SLC23A1: variants seen among roughly 807,000 people sequenced by gnomAD.
SLC23A1 encodes the protein Na(+)/L-ascorbic acid transporter 1.
A neutral mutation model predicts 62.5 loss-of-function variants in SLC23A1; 31 were observed. That is an observed-to-expected ratio of 0.50 (90% confidence interval 0.37 to 0.67). SLC23A1 has a LOEUF of 0.67. Ranked by LOEUF, SLC23A1 falls within the 30% of genes least tolerant of loss-of-function variation. The pLI, the probability that SLC23A1 is intolerant of heterozygous loss-of-function variation, is 0.00. For missense variants in SLC23A1, 640 were observed against 782.7 expected, an observed-to-expected ratio of 0.82 and a Z score of 2.18; for synonymous variants, 271 against 313.2, an observed-to-expected ratio of 0.87 and a Z score of 1.42.
chr5:139,372,089 A>G lies in SLC23A1; in HGVS notation c.1714T>C (p.Ser572Pro), dbSNP rs1396435729. Residue 572 changes from serine (S) to proline (P), a missense_variant, in exon 14 of 15, where the codon TCT (serine) becomes CCT (proline). Ser to Pro is a moderately conservative substitution (Grantham distance 74, BLOSUM62 -1). Coordinates refer to ENST00000348729, the MANE Select transcript of SLC23A1 (RefSeq NM_005847.5). The part of the protein sequence containing the change: ...IPICPVFKGF[S>P]SSSKDQIAIP... ...GCAATCTGATCTTTTGAACTTGAAG[A>G]AAATCCTTTGAAGACTGGGCAGATA... The G allele has an allele frequency of 1.2e-6, 2 of 1,613,334 alleles. No homozygotes were observed. The highest frequency in any genetic ancestry group is 1.7e-6 in the Non-Finnish European group (2 of 1,179,188).
At chr5:139,383,470 T>A (rs1381986021), upstream of SLC23A1, 2 of 759,646 alleles carry the variant, frequency 2.6e-6, no homozygotes, top group African/African-American at 3.8e-5. Flanking sequence ...ACATGTGCCC[T>A]TCCCTGCCCA....
chr5:139,368,816 T>C, intron 14 of SLC23A1: 1 of 1,569,960 alleles, frequency 6.4e-7, no homozygotes, highest in Non-Finnish European at 8.8e-7. Flanking sequence ...GGGCCCTCTT[T>C]TGGTGGATGT....
chr5:139,376,983 G>A (rs888672040), intron 13 of SLC23A1, among the ~76,000 whole-genome samples: 11 of 152,124 alleles, frequency 7.2e-5, no homozygotes, highest in Non-Finnish European at 1.2e-4. Context: ...TTAGCTGGGC[G>A]TGGTGGCAGC....
intron 13 of SLC23A1, among the ~76,000 whole-genome samples, chr5:139,373,003 TG>T (rs934147769): frequency 6.6e-6 from 1 of 152,170 alleles, no homozygotes; most frequent in African/African-American, 2.4e-5. Flanking sequence ...GATTGCGTTC[TG>T]GGGGTAAGGG....
Position 139,379,686 on chromosome 5 carries a change from G to A in SLC23A1, c.917C>T (p.Pro306Leu), listed in dbSNP as rs1229903882. The A allele has an allele frequency of 6.2e-7, 1 of 1,612,622 alleles. No individual in the cohort carries two copies. The highest frequency in any genetic ancestry group is 1.1e-5 in the South Asian group (1 of 90,750). The change falls in exon 8 of 15, where the codon CCC (proline) becomes CTC (leucine). Residue 306 changes from proline to leucine, a missense_variant. Pro to Leu is a moderately conservative substitution (Grantham distance 98, BLOSUM62 -3). Transcript: ENST00000348729. This position sits in a 1 kb window ranked among gnomAD's most constrained non-coding sequence, Gnocchi z 4.7. ...CAAGGGGTGTTGCTCACAGGGGTAG[G>A]GGATGCGGATCCAGGGTGCAATAGC... Reference protein sequence around the residue: ...IMAIAPWIRIPYPCQWGLPTV... With the variant: ...IMAIAPWIRILYPCQWGLPTV...
intron 13 of SLC23A1, among the ~76,000 whole-genome samples, chr5:139,374,593 G>A (rs1008746352): frequency 2.0e-5 from 3 of 152,204 alleles, no homozygotes; most frequent in Non-Finnish European, 4.4e-5. Flanking sequence ...TGTGACCTTA[G>A]GCAAGTGACA....
At chr5:139,368,693 T>G (rs1220243299) in intron 14 of SLC23A1, 1 of 1,370,180 alleles carries the variant, frequency 7.3e-7, no homozygotes, top group African/African-American at 1.4e-5. Context: ...TACCTGAAAC[T>G]GTGTTAATGA....
In SLC23A1 at chr5:139,379,437, C is replaced by T; in HGVS notation, c.926-83G>A. On this transcript the variant is annotated intron_variant, in intron 8 of 14. Transcript: ENST00000348729. The surrounding 1 kb of genome is among the most constrained non-coding windows in gnomAD (Gnocchi z 4.7). ...ATAGACAGGGCAGTGCTGGAAGGAG[C>T]AAGAGCAGATCAGGAGACCTCAGGC... The T allele has an allele frequency of 1.4e-6, 2 of 1,406,796 alleles. No homozygotes were observed. Among genetic ancestry groups the T allele is most frequent in the Non-Finnish European group, 1.0e-6 (1 of 999,358 alleles). 87.1% of individuals were successfully genotyped at this position (1,406,796 alleles called of 1,614,324 possible). A position where few individuals can be genotyped will look rare whatever the true frequency, so the allele number is the denominator to read the frequency against.
upstream of SLC23A1, chr5:139,384,631 C>T (rs1361183773): frequency 2.4e-6 from 3 of 1,235,214 alleles, no homozygotes; most frequent in African/African-American, 3.1e-5. Context: ...GGAGACCAAG[C>T]CCGACCCCCT....
rs777401083 is a variant in SLC23A1 at position 139,379,828 on chromosome 5, G to T, written c.775C>A (p.Leu259Met). 1.2e-6 allele frequency: 2 copies of T among 1,614,028 alleles called. No individual in the cohort carries two copies. The highest frequency in any genetic ancestry group is 1.7e-6 in the Non-Finnish European group (2 of 1,180,012). ...IQIFKMFPIMLAIMTVWLLCY... is the reference protein window; with the variant it reads ...IQIFKMFPIMMAIMTVWLLCY... Reference sequence around the variant, plus strand: ...AGCAGCCACACGGTCATGATGGCCAGCATGATCTGAAGGAGGGGGGTGAGG... The same window carrying T: ...AGCAGCCACACGGTCATGATGGCCATCATGATCTGAAGGAGGGGGGTGAGG... Residue 259 changes from leucine to methionine, a missense_variant, in exon 8 of 15, where the codon CTG becomes ATG. Physicochemically the swap from Leu to Met is conservative, Grantham distance 15. Transcript: ENST00000348729. The surrounding 1 kb of genome is among the most constrained non-coding windows in gnomAD (Gnocchi z 4.7).
Position 139,378,700 on chromosome 5 carries a change from G to A in SLC23A1, c.1074-16C>T. ...GAAGATGCCCCTGTAAGGAAAGGGA[G>A]AGTCGGGGCTTGGTCCAGCCTCTGC... On this transcript the variant is annotated splice_polypyrimidine_tract_variant and intron_variant, in intron 9 of 14. Transcript: ENST00000348729. The surrounding 1 kb of genome is among the most constrained non-coding windows in gnomAD (Gnocchi z 4.5). 1 of 1,575,896 alleles carries A rather than the reference G, an allele frequency of 6.3e-7. No homozygotes were observed.
rs998062197 is a variant in SLC23A1 at position 139,367,273 on chromosome 5, G to C, written c.*378C>G. On this transcript the variant is annotated 3_prime_UTR_variant, in exon 15 of 15. Coordinates refer to ENST00000348729, the MANE Select transcript of SLC23A1 (RefSeq NM_005847.5). ...GGGTCAAATTCAATGTAAAAGCCTT[G>C]CAGCATACCTACATTTCAGGCCCTG... 1 of 152,194 alleles carries C rather than the reference G, an allele frequency of 6.6e-6. No individual in the cohort carries two copies. Among genetic ancestry groups the C allele is most frequent in the South Asian group, 2.1e-4 (1 of 4,820 alleles). 9.4% of individuals were successfully genotyped at this position (152,194 alleles called of 1,614,324 possible).
At position 139,378,746 on chromosome 5, in the gene SLC23A1, C is replaced by T. The variant is rs1758080379; in HGVS notation, c.1074-62G>A. On this transcript the variant is annotated intron_variant, in intron 9 of 14. Coordinates refer to ENST00000348729, the MANE Select transcript of SLC23A1 (RefSeq NM_005847.5). This position sits in a 1 kb window ranked among gnomAD's most constrained non-coding sequence, Gnocchi z 4.5. Reference sequence around the variant, plus strand: ...TCTGCACCAGTCTGTGTTCCCCCATCATCTTAGCAAGCTGCCGTCCTCTGG... The same window carrying T: ...TCTGCACCAGTCTGTGTTCCCCCATTATCTTAGCAAGCTGCCGTCCTCTGG... 2 of 1,276,048 alleles carry T rather than the reference C, an allele frequency of 1.6e-6. No individual in the cohort carries two copies. The highest frequency in any genetic ancestry group is 1.5e-5 in the African/African-American group (1 of 68,018). 79.0% of individuals were successfully genotyped at this position (1,276,048 alleles called of 1,614,324 possible).
rs745496645 is a variant in SLC23A1, at chr5:139,380,525, C to T, written c.465+40G>A. ...CACCCTCACTCCCATATAGCCCCTC[C>T]TCAGGACCCGGCCTCTTCTATGCTT... On this transcript the variant is annotated intron_variant, in intron 5 of 14. Transcript: ENST00000348729. 4.4e-6 allele frequency: 7 copies of T among 1,607,954 alleles called. No individual in the cohort carries two copies. The South Asian group carries it at 6.6e-5, about 15-fold the overall frequency.
At chr5:139,385,013 TC>T (rs1758456874), upstream of SLC23A1, among the ~76,000 whole-genome samples, 1 of 151,794 alleles carries the variant, frequency 6.6e-6, no homozygotes, top group South Asian at 2.1e-4. Context: ...GCACCTCCAT[TC>T]CCCCAGCAGC....
In SLC23A1 at chr5:139,379,297, G is replaced by A. The variant is rs1758113342; in HGVS notation, c.983C>T (p.Thr328Ile). The A allele has an allele frequency of 6.2e-7, 1 of 1,614,058 alleles. No homozygotes were observed. Among genetic ancestry groups the A allele is most frequent in the Admixed American group, 1.7e-5 (1 of 60,008 alleles). ...GATGGACTCAATGATGCCTGCCAGAGTGGCGCTGAACATTCCCAGGACAGC... is the reference window on the plus strand; with the variant it reads ...GATGGACTCAATGATGCCTGCCAGAATGGCGCTGAACATTCCCAGGACAGC... ...AAAVLGMFSA[T>I]LAGIIESIGD... is the part of the protein sequence containing the mutation. Residue 328 changes from threonine (T) to isoleucine (I), a missense_variant, in exon 9 of 15, where the codon ACT becomes ATT. By Grantham distance (89) the Thr-to-Ile change is moderately conservative (BLOSUM62 -1). Coordinates refer to ENST00000348729, the MANE Select transcript of SLC23A1 (RefSeq NM_005847.5). This position sits in a 1 kb window ranked among gnomAD's most constrained non-coding sequence, Gnocchi z 4.7.
intron 13 of SLC23A1, 72 bp from the exon 14 acceptor site, chr5:139,372,325 C>T (rs1452462490): frequency 7.1e-7 from 1 of 1,399,752 alleles, no homozygotes; most frequent in Non-Finnish European, 9.8e-7. Flanking sequence ...ATAACCCAGT[C>T]CTAAGGCAGA....
intron 13 of SLC23A1, among the ~76,000 whole-genome samples, chr5:139,372,611 GTC>G (rs1757732961): frequency 6.6e-6 from 1 of 151,964 alleles, no homozygotes; most frequent in African/African-American, 2.4e-5. Context: ...TTTTGAGACA[GTC>G]TCGCTCTGTT....
chr5:139,382,189 T>C, intron 2 of SLC23A1, 140 bp from the exon 3 acceptor site: 1 of 795,756 alleles, frequency 1.3e-6, no homozygotes, highest in Admixed American at 2.6e-5. Context: ...CACAAGGGAT[T>C]CCCAGAGAGC....
Sources: allele counts gnomAD v4.1 joint callset (sites outside exome capture counted in the v4.1 genomes callset), GRCh38; gene constraint gnomAD v4.1.1; non-coding constraint Gnocchi (gnomAD v3.1); transcripts MANE v1.5; gene names NCBI Gene and HGNC (gene_info 2026-07-23, HGNC 2026-07-21).